PLXNA2: variants seen among roughly 807,000 people sequenced by gnomAD.
PLXNA2 encodes the protein plexin-A2.
PLXNA2 carries 91 observed loss-of-function variants against 193.5 expected under a neutral mutation model. That is an observed-to-expected ratio of 0.47 (90% CI 0.40 to 0.56). PLXNA2 has a LOEUF of 0.56. Ranked by LOEUF, PLXNA2 falls within the 20% of genes least tolerant of loss-of-function variation. The pLI is 0.00. For synonymous variants in PLXNA2, 997 were observed against 1,027.3 expected, an observed-to-expected ratio of 0.97 and a Z score of 0.56; for missense variants, 1,995 against 2,503.2, an observed-to-expected ratio of 0.80 and a Z score of 4.33.
At chr1:208,196,151 G>A (rs1670352848) in intron 3 of PLXNA2, among the ~76,000 whole-genome samples, 1 of 152,098 alleles carries the variant, frequency 6.6e-6, no homozygotes, top group African/African-American at 2.4e-5. Context: ...CAATACTGAA[G>A]AAACTGATTA....
rs1391510775 is a variant in PLXNA2, at chr1:208,026,632, ATTC to A, written c.*608_*610del. Reference sequence around the variant, plus strand: ...TGTTTGGTGCATACTTGTGCTCATCATTCTTCTTCTCCTCTTTCTCTTTTTTTT... The same window carrying A: ...TGTTTGGTGCATACTTGTGCTCATCATTCTTCTCCTCTTTCTCTTTTTTTT... On this transcript the variant is annotated 3_prime_UTR_variant, in exon 32 of 32. Coordinates refer to ENST00000367033, the MANE Select transcript of PLXNA2 (RefSeq NM_025179.4). 5 of 141,068 alleles carry A rather than the reference ATTC, an allele frequency of 3.5e-5. No individual in the cohort carries two copies. The highest frequency in any genetic ancestry group is 4.5e-4 in the South Asian group (2 of 4,420). The allele number at this position is 141,068 out of a possible 1,614,324, so 8.7% of individuals were successfully genotyped here. A position where few individuals can be genotyped will look rare whatever the true frequency, so the allele number is the denominator to read the frequency against.
intron 4 of PLXNA2, among the ~76,000 whole-genome samples, chr1:208,130,443 C>T (rs1668112255): frequency 1.3e-5 from 2 of 152,312 alleles, no homozygotes; most frequent in Middle Eastern, 6.8e-3. Flanking sequence ...AACGTTTGCT[C>T]TCATCTCACT....
At chr1:208,123,411 A>G (rs1486942837) in intron 4 of PLXNA2, among the ~76,000 whole-genome samples, 1 of 152,216 alleles carries the variant, frequency 6.6e-6, no homozygotes, top group African/African-American at 2.4e-5. Context: ...AGGCAGCTGG[A>G]TTCTTTCATT....
At chr1:208,225,125 T>C (rs1326938321) in intron 1 of PLXNA2, among the ~76,000 whole-genome samples, 1 of 152,174 alleles carries the variant, frequency 6.6e-6, no homozygotes, top group Non-Finnish European at 1.5e-5. Context: ...CCTCCATCTC[T>C]GCAGTGGTGA....
intron 4 of PLXNA2, among the ~76,000 whole-genome samples, chr1:208,105,083 C>T (rs151007448): frequency 1.3e-5 from 2 of 152,194 alleles, no homozygotes; most frequent in African/African-American, 2.4e-5. Context: ...AGCCACCCCC[C>T]ACTGTGGAGT....
At chr1:208,214,521 G>C (rs1390180955) in intron 2 of PLXNA2, among the ~76,000 whole-genome samples, 5 of 152,178 alleles carry the variant, frequency 3.3e-5, no homozygotes, top group Non-Finnish European at 1.5e-5. Flanking sequence ...CGTAGCCTTG[G>C]AATGATGTTT....
intron 9 of PLXNA2, among the ~76,000 whole-genome samples, chr1:208,087,058 T>G (rs1266946142): frequency 1.3e-5 from 2 of 151,192 alleles, no homozygotes; most frequent in Non-Finnish European, 2.9e-5. Flanking sequence ...AGAGAGAGAT[T>G]TTCTTACTCC....
At chr1:208,073,321 T>A (rs1666032339) in intron 12 of PLXNA2, among the ~76,000 whole-genome samples, 1 of 152,158 alleles carries the variant, frequency 6.6e-6, no homozygotes, top group Non-Finnish European at 1.5e-5. Context: ...AGGGTGGAGA[T>A]TAGAAGTCTG....
At chr1:208,235,128 A>G (rs1309992873) in intron 1 of PLXNA2, among the ~76,000 whole-genome samples, 1 of 152,182 alleles carries the variant, frequency 6.6e-6, no homozygotes, top group Non-Finnish European at 1.5e-5. Flanking sequence ...CCAAAAACCC[A>G]AGGGCGGCAA....
At chr1:208,050,113 G>C (rs1380814749) in intron 17 of PLXNA2, among the ~76,000 whole-genome samples, 1 of 152,196 alleles carries the variant, frequency 6.6e-6, no homozygotes, top group African/African-American at 2.4e-5. Flanking sequence ...ACATGGCTAT[G>C]CATGGAAGAC....
At chr1:208,149,707 C>T (rs530526447) in intron 3 of PLXNA2, among the ~76,000 whole-genome samples, 1 of 151,892 alleles carries the variant, frequency 6.6e-6, no homozygotes, top group South Asian at 2.1e-4. Flanking sequence ...TTTGGTGCTG[C>T]GAGAGAAGAT....
intron 4 of PLXNA2, among the ~76,000 whole-genome samples, chr1:208,121,649 G>A (rs1667810514): frequency 6.6e-6 from 1 of 152,180 alleles, no homozygotes; most frequent in Non-Finnish European, 1.5e-5. Flanking sequence ...CCCCAGTCAT[G>A]CAGAACTGTG....
intron 1 of PLXNA2, among the ~76,000 whole-genome samples, chr1:208,239,135 A>G (rs935834412): frequency 2.0e-5 from 3 of 146,962 alleles, no homozygotes; most frequent in Non-Finnish European, 4.5e-5. Flanking sequence ...TATCTCATCT[A>G]TTAATATTTT....
At chr1:208,085,399 T>C (rs776956545) in intron 9 of PLXNA2, among the ~76,000 whole-genome samples, 1 of 152,190 alleles carries the variant, frequency 6.6e-6, no homozygotes, top group Non-Finnish European at 1.5e-5. Context: ...GGAATTCTCA[T>C]AGGAGGCTCC....
intron 1 of PLXNA2, among the ~76,000 whole-genome samples, chr1:208,223,286 T>C (rs778040269): frequency 4.3e-4 from 66 of 151,996 alleles, no homozygotes; most frequent in Admixed American, 7.2e-4. Context: ...GGAAACAAAT[T>C]GACCAGGGCG....
chr1:208,051,310 T>A lies in PLXNA2; in HGVS notation c.3107A>T (p.Glu1036Val), dbSNP rs529116482. The change falls in exon 16 of 32, where the codon GAG becomes GTG. Residue 1036 changes from glutamate (E) to valine (V), a missense_variant. By Grantham distance (121) the Glu-to-Val change is moderately radical. Coordinates refer to ENST00000367033, the MANE Select transcript of PLXNA2 (RefSeq NM_025179.4). Reference protein sequence around the residue: ...RAHVDSNLQFEYIDDPRVQRI... With the variant: ...RAHVDSNLQFVYIDDPRVQRI... Reference sequence around the variant, plus strand: ...CTGGACCCGAGGGTCATCTATGTACTCAAACTGCAGGTTGCTATCCACATG... The same window carrying A: ...CTGGACCCGAGGGTCATCTATGTACACAAACTGCAGGTTGCTATCCACATG... The A allele has an allele frequency of 6.2e-7, 1 of 1,613,768 alleles. No individual in the cohort carries two copies. Among genetic ancestry groups the A allele is most frequent in the Admixed American group, 1.7e-5 (1 of 59,948 alleles).
At chr1:208,182,495 G>T (rs903076406) in intron 3 of PLXNA2, among the ~76,000 whole-genome samples, 1 of 152,122 alleles carries the variant, frequency 6.6e-6, no homozygotes, top group Non-Finnish European at 1.5e-5. Flanking sequence ...AACTGCAAGA[G>T]AATTTTTTGG....
At chr1:208,058,859 T>C (rs1372688778) in intron 13 of PLXNA2, among the ~76,000 whole-genome samples, 1 of 152,234 alleles carries the variant, frequency 6.6e-6, no homozygotes, top group East Asian at 1.9e-4. Context: ...ATTAGGCTAA[T>C]GAAGGTCACA....
chr1:208,167,852 C>T (rs1453596671), intron 3 of PLXNA2, among the ~76,000 whole-genome samples: 1 of 152,194 alleles, frequency 6.6e-6, no homozygotes, highest in East Asian at 1.9e-4. Flanking sequence ...ACTCAGCAGA[C>T]ACAAACACAA....
Sources: allele counts gnomAD v4.1 joint callset (sites outside exome capture counted in the v4.1 genomes callset), GRCh38; gene constraint gnomAD v4.1.1; transcripts MANE v1.5; gene names NCBI Gene and HGNC (gene_info 2026-07-23, HGNC 2026-07-21).